Variants in PELI2 observed in about 807,000 individuals in gnomAD.
The protein encoded by PELI2 is pellino E3 ubiquitin protein ligase family member 2, also known as E3 ubiquitin-protein ligase pellino homolog 2.
Under a neutral mutation model 42.3 loss-of-function variants are expected in PELI2, and 23 were observed. The ratio of observed to expected loss-of-function variants is 0.54; its 90% CI spans 0.39 to 0.77. PELI2 has a LOEUF of 0.77. Among genes scored for constraint, PELI2 ranks in the 30% least tolerant of loss-of-function variants. The probability of loss-of-function intolerance (pLI) is 0.00; values close to 1 mark genes in which losing one functional copy is unlikely to be tolerated. For synonymous variants in PELI2, 245 were observed against 212.2 expected (o/e 1.15, Z -1.34); for missense variants, 463 against 553.2 (o/e 0.84, Z 1.64).
chr14:56,288,948 C>T lies in PELI2; in HGVS notation c.507+314C>T, dbSNP rs1271720787. ...TATTTCAGAGAGAAAAATAAATGGGCCAAATTTAGATCATTAGGGCTTAGA... is the reference window on the plus strand; with the variant it reads ...TATTTCAGAGAGAAAAATAAATGGGTCAAATTTAGATCATTAGGGCTTAGA... On this transcript the variant is annotated intron_variant, in intron 4 of 5. Transcript: ENST00000267460. This position sits in a 1 kb window ranked among gnomAD's most constrained non-coding sequence, Gnocchi z 4.6. 2.0e-5 allele frequency among the ~76,000 whole-genome samples: 3 copies of T among 151,924 alleles called. No individual in the cohort carries two copies. Among genetic ancestry groups the T allele is most frequent in the African/African-American group, 2.4e-5 (1 of 41,362 alleles).
At chr14:56,236,759 A>G (rs990423761) in intron 2 of PELI2, among the ~76,000 whole-genome samples, 10 of 152,100 alleles carry the variant, frequency 6.6e-5, no homozygotes, top group African/African-American at 2.2e-4. Flanking sequence ...TGGAAAGTCA[A>G]CTTTCAACTT....
In PELI2 at chr14:56,296,886, C is replaced by T. The variant is rs1259725865; in HGVS notation, c.983C>T (p.Thr328Met). 21 of 1,614,032 alleles carry T rather than the reference C, an allele frequency of 1.3e-5. No homozygotes were observed. Among genetic ancestry groups the T allele is most frequent in the African/African-American group, 4.0e-5 (3 of 74,914 alleles). The part of the protein sequence containing the change: ...GYHNWGHRSD[T>M]EANERECPMC... ...CACAACTGGGGCCATCGGAGTGACA[C>T]GGAGGCCAACGAGAGGGAGTGTCCC... Residue 328 changes from threonine to methionine, a missense_variant, in exon 6 of 6, where the codon ACG becomes ATG. Physicochemically the swap from Thr to Met is moderately conservative, Grantham distance 81. This residue lies in a region of PELI2 where 103 missense variants were observed against 129.6 expected (regional missense o/e 0.80). Transcript: ENST00000267460.
At chr14:56,179,142 GATA>G (rs1308342626) in intron 2 of PELI2, among the ~76,000 whole-genome samples, 2 of 152,024 alleles carry the variant, frequency 1.3e-5, no homozygotes, top group African/African-American at 4.8e-5. Flanking sequence ...TATTCCAATT[GATA>G]TATGTTACAT....
At chr14:56,210,212 G>A (rs1325699827) in intron 2 of PELI2, among the ~76,000 whole-genome samples, 2 of 151,958 alleles carry the variant, frequency 1.3e-5, no homozygotes, top group Non-Finnish European at 2.9e-5. Context: ...TTGATGAGAG[G>A]GGTGCGGAGG....
chr14:56,259,466 T>C (rs1376034437), intron 2 of PELI2, among the ~76,000 whole-genome samples: 1 of 152,170 alleles, frequency 6.6e-6, no homozygotes. Context: ...ATTCTTGTAT[T>C]GTTTAACCCA....
intron 2 of PELI2, among the ~76,000 whole-genome samples, chr14:56,261,533 A>T (rs369138884): frequency 6.6e-6 from 1 of 152,238 alleles, no homozygotes; most frequent in Admixed American, 6.5e-5. Context: ...ACAAAAGTCC[A>T]TATAAATTCT....
At chr14:56,148,438 C>T (rs1884214545) in intron 1 of PELI2, among the ~76,000 whole-genome samples, 1 of 152,228 alleles carries the variant, frequency 6.6e-6, no homozygotes, top group African/African-American at 2.4e-5. Context: ...GCCCTGCCTG[C>T]ATCAGTTCCC....
chr14:56,257,879 A>G (rs1418588667), intron 2 of PELI2, among the ~76,000 whole-genome samples: 1 of 152,230 alleles, frequency 6.6e-6, no homozygotes, highest in African/African-American at 2.4e-5. Context: ...TTTGTAAAGG[A>G]AACTGCCAGA....
At chr14:56,263,612 G>A (rs1888799935) in intron 2 of PELI2, among the ~76,000 whole-genome samples, 1 of 152,076 alleles carries the variant, frequency 6.6e-6, no homozygotes, top group Non-Finnish European at 1.5e-5. Flanking sequence ...AGATTTTATA[G>A]CTGGGAGACA....
chr14:56,159,719 G>A (rs1348881461), intron 1 of PELI2, among the ~76,000 whole-genome samples: 1 of 152,052 alleles, frequency 6.6e-6, no homozygotes, highest in Non-Finnish European at 1.5e-5. Flanking sequence ...TACTTAAGTG[G>A]CGATATTTTG....
At chr14:56,243,895 A>G (rs746243806) in intron 2 of PELI2, among the ~76,000 whole-genome samples, 8 of 152,204 alleles carry the variant, frequency 5.3e-5, no homozygotes, top group Non-Finnish European at 2.9e-5. Context: ...GTAAATAGAA[A>G]GTATCATAAT....
At position 56,273,704 on chromosome 14, in the gene PELI2, T is replaced by C. The variant is rs1211288833; in HGVS notation, c.208-5972T>C. On this transcript the variant is annotated intron_variant, in intron 2 of 5. Transcript: ENST00000267460. The surrounding 1 kb of genome is among the most constrained non-coding windows in gnomAD (Gnocchi z 4.3). ...GTGAACAACAGTGGCAAGAGAGGGC[T>C]CAGGGGTGACATGAAGTTTTTAAGT... Among the ~76,000 whole-genome samples the C allele has an allele frequency of 6.6e-6, 1 of 152,212 alleles. No individual in the cohort carries two copies. The highest frequency in any genetic ancestry group is 2.4e-5 in the African/African-American group (1 of 41,458).
chr14:56,258,681 C>T (rs1355533813), intron 2 of PELI2, among the ~76,000 whole-genome samples: 1 of 150,520 alleles, frequency 6.6e-6, no homozygotes, highest in African/African-American at 2.4e-5. Flanking sequence ...CAATATGGGG[C>T]AAGAGATGAA....
chr14:56,205,029 CAAA>C lies in PELI2; in HGVS notation c.207+26581_207+26583del, dbSNP rs35776509. 8.8e-5 allele frequency among the ~76,000 whole-genome samples: 8 copies of C among 91,168 alleles called. No individual in the cohort carries two copies. The East Asian group carries it at 1.7e-3, about 19-fold the overall frequency. The allele number at this position is 91,168 out of a possible 152,430, so 59.8% of individuals were successfully genotyped here. A position where few individuals can be genotyped will look rare whatever the true frequency, so the allele number is the denominator to read the frequency against. On this transcript the variant is annotated intron_variant, in intron 2 of 5. Coordinates refer to ENST00000267460, the MANE Select transcript of PELI2 (RefSeq NM_021255.3). ...TGGGCGACAGAGCGAGACTCCCTGTCAAAAAAAAAAAAAAAAAAGAAAGAAAGT... is the reference window on the plus strand; with the variant it reads ...TGGGCGACAGAGCGAGACTCCCTGTCAAAAAAAAAAAAAAAGAAAGAAAGT...
At chr14:56,183,091 A>T (rs529153978) in intron 2 of PELI2, among the ~76,000 whole-genome samples, 6 of 152,068 alleles carry the variant, frequency 3.9e-5, no homozygotes, top group Non-Finnish European at 7.4e-5. Flanking sequence ...TAACTCTTGG[A>T]TTGGTCGTGT....
At chr14:56,231,108 A>G (rs1887549383) in intron 2 of PELI2, among the ~76,000 whole-genome samples, 1 of 152,244 alleles carries the variant, frequency 6.6e-6, no homozygotes, top group Admixed American at 6.5e-5. Flanking sequence ...TCATAAAGCA[A>G]GTCTTTAGAG....
At chr14:56,134,809 T>C (rs1883628464) in intron 1 of PELI2, among the ~76,000 whole-genome samples, 1 of 151,082 alleles carries the variant, frequency 6.6e-6, no homozygotes, top group Admixed American at 6.6e-5. Context: ...GAGAGTTGAA[T>C]ATAGCAGGAA....
intron 2 of PELI2, among the ~76,000 whole-genome samples, chr14:56,220,282 G>A (rs190572646): frequency 3.9e-5 from 6 of 152,226 alleles, no homozygotes; most frequent in African/African-American, 1.4e-4. Context: ...TTTCATTTGC[G>A]CAAAGGCACA....
intron 5 of PELI2, among the ~76,000 whole-genome samples, chr14:56,295,386 C>G (rs1889965813): frequency 6.6e-6 from 1 of 152,088 alleles, no homozygotes; most frequent in African/African-American, 2.4e-5. Flanking sequence ...CATCCTTGTT[C>G]AGCCTGGCTG....
Sources: allele counts gnomAD v4.1 joint callset (sites outside exome capture counted in the v4.1 genomes callset), GRCh38; gene constraint gnomAD v4.1.1; regional missense constraint gnomAD v4.1.1; non-coding constraint Gnocchi (gnomAD v3.1); transcripts MANE v1.5; gene names NCBI Gene and HGNC (gene_info 2026-07-23, HGNC 2026-07-21).